Variants in AMBRA1 observed in about 807,000 individuals in gnomAD.
The protein encoded by AMBRA1 is autophagy and beclin 1 regulator 1.
In AMBRA1, 47 loss-of-function variants were observed where a neutral mutation model predicts 125.4. The observed-to-expected ratio is 0.37, with a 90% CI of 0.30 to 0.48. The LOEUF (loss-of-function observed/expected upper bound fraction) is 0.48. AMBRA1 is among the 20% of genes least tolerant of loss of function. The probability of loss-of-function intolerance (pLI) is 0.99; values close to 1 mark genes in which losing one functional copy is unlikely to be tolerated. For missense variants in AMBRA1, 1,331 were observed against 1,693.4 expected (o/e 0.79, Z 3.76); for synonymous variants, 626 against 655.5 (o/e 0.95, Z 0.69).
intron 7 of AMBRA1, among the ~76,000 whole-genome samples, chr11:46,537,916 C>T (rs1030360433): frequency 2.0e-5 from 3 of 152,202 alleles, no homozygotes; most frequent in Admixed American, 2.0e-4. Flanking sequence ...CAGTCATCTA[C>T]AAAAACAGGC....
At position 46,546,092 on chromosome 11, in the gene AMBRA1, G is replaced by A. The variant is rs540718107; in HGVS notation, c.379-316C>T. Reference sequence around the variant, plus strand: ...ATTCTGTCACCCAGGCTGGAGTGCAGTGGCACAATCTCAGCACACTGCAAC... The same window carrying A: ...ATTCTGTCACCCAGGCTGGAGTGCAATGGCACAATCTCAGCACACTGCAAC... On this transcript the variant is annotated intron_variant, in intron 4 of 17. Transcript: ENST00000683756. 12 of 191,402 alleles carry A rather than the reference G, an allele frequency of 6.3e-5. No homozygotes were observed. In the South Asian group the frequency reaches 1.1e-3, roughly 17 times the overall value. 11.9% of individuals were successfully genotyped at this position (191,402 alleles called of 1,614,324 possible). A position where few individuals can be genotyped will look rare whatever the true frequency, so the allele number is the denominator to read the frequency against.
chr11:46,526,330 T>C (rs1591032660), intron 7 of AMBRA1, among the ~76,000 whole-genome samples: 1 of 151,908 alleles, frequency 6.6e-6, no homozygotes, highest in African/African-American at 2.4e-5. Context: ...CCTTGTGTGG[T>C]CCCCTCCCAC....
At chr11:46,447,465 G>C (rs1445071098) in intron 11 of AMBRA1, among the ~76,000 whole-genome samples, 1 of 152,130 alleles carries the variant, frequency 6.6e-6, no homozygotes, top group African/African-American at 2.4e-5. Context: ...AACCCAGGAG[G>C]AGGAGGTTGC....
Position 46,543,437 on chromosome 11 carries a change from G to A in AMBRA1, c.619-39C>T, listed in dbSNP as rs1447514884. 22 of 1,596,308 alleles carry A rather than the reference G, an allele frequency of 1.4e-5. No homozygotes were observed. The South Asian group carries it at 2.3e-4, about 16-fold the overall frequency. On this transcript the variant is annotated intron_variant, in intron 6 of 17. Transcript: ENST00000683756. Reference sequence around the variant, plus strand: ...CAGCATGGGGCAGGGGGTAGAGCAAGGCAGTTAGGTAGAACCTCCAAGTAA... The same window carrying A: ...CAGCATGGGGCAGGGGGTAGAGCAAAGCAGTTAGGTAGAACCTCCAAGTAA...
At chr11:46,403,850 G>A (rs779275869) in intron 17 of AMBRA1, among the ~76,000 whole-genome samples, 8 of 152,090 alleles carry the variant, frequency 5.3e-5, no homozygotes, top group African/African-American at 1.9e-4. Context: ...AGGGGAGTGG[G>A]GAGGGGCAGG....
At chr11:46,426,941 C>T (rs191104792) in intron 14 of AMBRA1, among the ~76,000 whole-genome samples, 2 of 152,194 alleles carry the variant, frequency 1.3e-5, no homozygotes. Flanking sequence ...TATTTGCCAC[C>T]CCCAAGTCCA....
intron 1 of AMBRA1, among the ~76,000 whole-genome samples, chr11:46,561,237 T>C (rs1462730697): frequency 1.3e-5 from 2 of 151,938 alleles, no homozygotes; most frequent in East Asian, 3.9e-4. Flanking sequence ...AAAAATTAGC[T>C]GGGCGTGGTG....
At chr11:46,538,532 C>T (rs764416484) in intron 7 of AMBRA1, among the ~76,000 whole-genome samples, 24 of 152,070 alleles carry the variant, frequency 1.6e-4, no homozygotes, top group Admixed American at 3.3e-4. Context: ...CTTGCTCTGT[C>T]GCCCAGGCTT....
rs201535679 is a variant in AMBRA1, at chr11:46,542,281, T to C, written c.1736A>G (p.Asn579Ser). ...RACHNLLTFN[N>S]DTLRWERTTP... is the part of the protein sequence containing the mutation. ...GGTTCTTTCCCAGCGCAGGGTATCGTTGTTGAAGGTCAGGAGATTGTGGCA... is the reference window on the plus strand; with the variant it reads ...GGTTCTTTCCCAGCGCAGGGTATCGCTGTTGAAGGTCAGGAGATTGTGGCA... Residue 579 changes from asparagine to serine, a missense_variant, in exon 7 of 18, where the codon AAC becomes AGC. Asn to Ser is a conservative substitution (Grantham distance 46). Around this residue, in one of 4 missense-constraint regions of AMBRA1, gnomAD observed 689 missense variants for 776.5 expected, o/e 0.89. Transcript: ENST00000683756. The surrounding 1 kb of genome is among the most constrained non-coding windows in gnomAD (Gnocchi z 5.9). The C allele has an allele frequency of 8.1e-6, 13 of 1,613,860 alleles. No homozygotes were observed. Among genetic ancestry groups the C allele is most frequent in the South Asian group, 1.1e-5 (1 of 91,080 alleles).
chr11:46,490,352 AG>A (rs1950416946), intron 11 of AMBRA1, among the ~76,000 whole-genome samples: 1 of 152,246 alleles, frequency 6.6e-6, no homozygotes, highest in South Asian at 2.1e-4. Flanking sequence ...GAAGGCACCA[AG>A]ATAAGGGAGA....
intron 17 of AMBRA1, among the ~76,000 whole-genome samples, chr11:46,398,460 G>A (rs1343308690): frequency 2.0e-5 from 3 of 152,188 alleles, no homozygotes; most frequent in Non-Finnish European, 2.9e-5. Flanking sequence ...CCTCCTCAAA[G>A]CCCCTGAGGA....
In AMBRA1 at chr11:46,443,489, A is replaced by G. The variant is rs768526483; in HGVS notation, c.2631T>C (p.Asn877=). 4 of 1,613,048 alleles carry G rather than the reference A, an allele frequency of 2.5e-6. No individual in the cohort carries two copies. Among genetic ancestry groups the G allele is most frequent in the Admixed American group, 3.3e-5 (2 of 60,010 alleles). ...TACCCCCATTTGACATTGACTTACC[A>G]TTACTGATTTCAGGGAGGTCAAACT... ...FTKFDLPEIS[N]ASVNVLVQNC... Residue 877 remains asparagine, a splice_region_variant and synonymous_variant, in exon 12 of 18, where the codon AAT becomes AAC. Coordinates refer to ENST00000683756, the MANE Select transcript of AMBRA1 (RefSeq NM_001387011.1).
intron 4 of AMBRA1, among the ~76,000 whole-genome samples, chr11:46,546,269 A>G (rs886843393): frequency 2.6e-5 from 4 of 152,194 alleles, no homozygotes; most frequent in African/African-American, 9.6e-5. Context: ...CAAACTCCTG[A>G]ACTCAAGCAA....
intron 1 of AMBRA1, chr11:46,549,011 T>C (rs1216098432): frequency 1.3e-5 from 2 of 152,094 alleles, no homozygotes; most frequent in East Asian, 1.9e-4. Flanking sequence ...AAAGATTATT[T>C]AGGAGTACCT....
intron 17 of AMBRA1, 109 bp from the exon 18 acceptor site, chr11:46,398,052 T>A (rs1483997594): frequency 2.9e-6 from 4 of 1,396,450 alleles, no homozygotes; most frequent in Non-Finnish European, 3.8e-6. Context: ...AAACGCAGGA[T>A]AGAGAAAGAC....
At chr11:46,487,027 T>C (rs1950292733) in intron 11 of AMBRA1, among the ~76,000 whole-genome samples, 1 of 151,214 alleles carries the variant, frequency 6.6e-6, no homozygotes, top group South Asian at 2.1e-4. Context: ...TGGGGCTGAG[T>C]GGGGCAGATC....
At chr11:46,581,797 CAAAAAAAAAAAAAAAA>C (rs1162857231) in intron 1 of AMBRA1, among the ~76,000 whole-genome samples, 2 of 69,950 alleles carry the variant, frequency 2.9e-5, no homozygotes, top group African/African-American at 9.7e-5. Flanking sequence ...AAAACTCCAT[CAAAAAAAAAAAAAAAA>C]AAAAAAAATC....
chr11:46,440,614 T>C (rs1402005695), intron 12 of AMBRA1, among the ~76,000 whole-genome samples: 1 of 152,068 alleles, frequency 6.6e-6, no homozygotes, highest in Admixed American at 6.6e-5. Flanking sequence ...CAACTTTAAA[T>C]AAATTATGGA....
rs1946694543 is a variant in AMBRA1, at chr11:46,418,666, G to A, written c.2977-614C>T. Among the ~76,000 whole-genome samples, 4 of 152,042 alleles carry A rather than the reference G, an allele frequency of 2.6e-5. No homozygotes were observed. The South Asian group carries it at 8.3e-4, about 32-fold the overall frequency. The stretch of plus-strand genomic sequence containing the variant: ...ACATGCGGTGTTTGGTTTTCGAACA[G>A]GATGACTCTTAACTCATGCCTGAGA... On this transcript the variant is annotated intron_variant, in intron 14 of 17. Transcript: ENST00000683756.
Sources: gnomAD v4.1 joint callset for allele counts (sites outside exome capture counted in the v4.1 genomes callset) on GRCh38, gnomAD v4.1.1 for gene constraint, gnomAD v4.1.1 regional missense constraint, Gnocchi (gnomAD v3.1) non-coding constraint, MANE v1.5 for transcripts, NCBI Gene and HGNC (gene_info 2026-07-23, HGNC 2026-07-21) for gene names.